LYPLAL1: variants seen among roughly 807,000 people sequenced by gnomAD.
LYPLAL1 encodes the protein lysophospholipase-like protein 1.
LYPLAL1 carries 23 observed loss-of-function variants against 19.7 expected under a neutral mutation model. That is an observed-to-expected ratio of 1.17 (90% CI 0.84 to 1.65). The LOEUF (loss-of-function observed/expected upper bound fraction) is 1.65, where lower values mean the gene tolerates loss of function less well. Ranked by LOEUF, LYPLAL1 falls within the 40% of genes most tolerant of loss-of-function variation. LYPLAL1 has a pLI of 0.00. For missense variants in LYPLAL1, 355 were observed against 279.4 expected, an observed-to-expected ratio of 1.27 and a Z score of -1.93; for synonymous variants, 119 against 96.3, an observed-to-expected ratio of 1.24 and a Z score of -1.38.
the LYPLAL1 span, among the ~76,000 whole-genome samples, chr1:219,428,737 A>G: frequency 7.2e-5 from 11 of 152,210 alleles, no homozygotes; most frequent in Non-Finnish European, 1.3e-4. Flanking sequence ...ACACACAAGT[A>G]ATTTTTTTCA....
the LYPLAL1 span, among the ~76,000 whole-genome samples, chr1:219,218,462 A>G: frequency 6.6e-6 from 1 of 151,540 alleles, no homozygotes; most frequent in Non-Finnish European, 1.5e-5. Context: ...TTGAATAAAC[A>G]CAGATTCATA....
intron 3 of LYPLAL1, among the ~76,000 whole-genome samples, chr1:219,205,493 T>G (rs1486407997): frequency 3.3e-5 from 5 of 152,142 alleles, no homozygotes; most frequent in South Asian, 2.1e-4. Flanking sequence ...TAAGATACAT[T>G]GAACATGTAG....
the LYPLAL1 span, among the ~76,000 whole-genome samples, chr1:219,264,739 A>T: frequency 6.6e-6 from 1 of 152,142 alleles, no homozygotes; most frequent in South Asian, 2.1e-4. Flanking sequence ...TTTCCTTTGC[A>T]TTTTACAATG....
the LYPLAL1 span, chr1:219,435,251 G>A: frequency 6.6e-6 from 1 of 152,130 alleles, no homozygotes; most frequent in Admixed American, 6.6e-5. Context: ...TAAGACATAG[G>A]GTGGTTCCAA....
At chr1:219,373,714 T>C in the LYPLAL1 span, among the ~76,000 whole-genome samples, 1,063 of 152,170 alleles carry the variant, frequency 7.0e-3, 18 homozygotes, top group African/African-American at 0.024. Context: ...GGTTTAAGCA[T>C]CTGGATTCTA....
chr1:219,403,182 G>A, the LYPLAL1 span, among the ~76,000 whole-genome samples: 1 of 152,208 alleles, frequency 6.6e-6, no homozygotes, highest in African/African-American at 2.4e-5. Context: ...GAAAACTTGG[G>A]TGCATGCACA....
chr1:219,443,620 G>A, the LYPLAL1 span, among the ~76,000 whole-genome samples: 5,332 of 151,760 alleles, frequency 0.035, 298 homozygotes, highest in African/African-American at 0.12. Context: ...AAATAGCTTT[G>A]CTATAAGCTA....
the LYPLAL1 span, among the ~76,000 whole-genome samples, chr1:219,397,223 T>C: frequency 6.6e-6 from 1 of 152,208 alleles, no homozygotes; most frequent in Non-Finnish European, 1.5e-5. Flanking sequence ...CATTTATTGA[T>C]TTGCATAGGT....
chr1:219,421,591 G>A, the LYPLAL1 span, among the ~76,000 whole-genome samples: 1 of 152,140 alleles, frequency 6.6e-6, no homozygotes, highest in Admixed American at 6.6e-5. Context: ...ACTCAAATTT[G>A]AGCACTGATT....
At chr1:219,218,367 CAACT>C in the LYPLAL1 span, among the ~76,000 whole-genome samples, 3,131 of 152,096 alleles carry the variant, frequency 0.021, 118 homozygotes, top group African/African-American at 0.071. Context: ...TACAAGTTAC[CAACT>C]ATTTCAGGAA....
the LYPLAL1 span, among the ~76,000 whole-genome samples, chr1:219,338,422 A>G: frequency 6.6e-6 from 1 of 152,028 alleles, no homozygotes; most frequent in East Asian, 1.9e-4. Flanking sequence ...ACATGTATCA[A>G]AACATTCTGT....
the LYPLAL1 span, among the ~76,000 whole-genome samples, chr1:219,369,433 T>C: frequency 6.6e-6 from 1 of 152,158 alleles, no homozygotes; most frequent in Admixed American, 6.5e-5. Context: ...CACCATGACC[T>C]GCTAATTTTT....
At chr1:219,439,373 A>G in the LYPLAL1 span, among the ~76,000 whole-genome samples, 64,588 of 151,926 alleles carry the variant, frequency 0.43, 14,038 homozygotes, top group Non-Finnish European at 0.45. Context: ...CAGGGTGCTG[A>G]TGTTCAACAC....
chr1:219,419,072 G>A, the LYPLAL1 span, among the ~76,000 whole-genome samples: 6 of 152,152 alleles, frequency 3.9e-5, no homozygotes, highest in African/African-American at 1.4e-4. Flanking sequence ...CACCTTGGTG[G>A]CTTCCAAGTT....
chr1:219,311,658 C>A, the LYPLAL1 span, among the ~76,000 whole-genome samples: 1 of 151,834 alleles, frequency 6.6e-6, no homozygotes, highest in Non-Finnish European at 1.5e-5. Context: ...AGATAAAAGG[C>A]TTAAATACAT....
At chr1:219,226,345 C>T in the LYPLAL1 span, among the ~76,000 whole-genome samples, 1 of 152,030 alleles carries the variant, frequency 6.6e-6, no homozygotes, top group Non-Finnish European at 1.5e-5. Context: ...CCTTTGTTTT[C>T]CCTGAGGTTA....
At chr1:219,327,245 T>G in the LYPLAL1 span, among the ~76,000 whole-genome samples, 1 of 152,154 alleles carries the variant, frequency 6.6e-6, no homozygotes, top group African/African-American at 2.4e-5. Context: ...GGAATGGGGT[T>G]ATGGTGGAGA....
At chr1:219,333,379 C>T in the LYPLAL1 span, among the ~76,000 whole-genome samples, 18 of 151,974 alleles carry the variant, frequency 1.2e-4, no homozygotes, top group Non-Finnish European at 7.4e-5. Flanking sequence ...GTAAATAGTA[C>T]TCTCAGGAGT....
the LYPLAL1 span, among the ~76,000 whole-genome samples, chr1:219,293,152 C>T: frequency 2.0e-5 from 3 of 152,016 alleles, no homozygotes; most frequent in African/African-American, 7.3e-5. Context: ...CTTGCAGGAG[C>T]CTTTTGAGGA....
Sources: allele counts gnomAD v4.1 joint callset (sites outside exome capture counted in the v4.1 genomes callset), GRCh38; gene constraint gnomAD v4.1.1; transcripts MANE v1.5; gene names NCBI Gene and HGNC (gene_info 2026-07-23, HGNC 2026-07-21).